Variants in CTIF observed in about 807,000 individuals in gnomAD.
CTIF encodes the protein cap binding complex dependent translation initiation factor, also known as CBP80/20-dependent translation initiation factor.
CTIF carries 21 observed loss-of-function variants against 66.0 expected under a neutral mutation model. The ratio of observed to expected loss-of-function variants is 0.32; its 90% confidence interval spans 0.23 to 0.46. The LOEUF (loss-of-function observed/expected upper bound fraction) is 0.46, where lower values mean the gene tolerates loss of function less well. Among genes scored for constraint, CTIF ranks in the 20% least tolerant of loss-of-function variants. The probability of loss-of-function intolerance (pLI) is 1.00; values close to 1 mark genes in which losing one functional copy is unlikely to be tolerated. For missense variants in CTIF, 739 were observed against 812.7 expected (o/e 0.91, Z 1.10); for synonymous variants, 345 against 326.4 (o/e 1.06, Z -0.62).
chr18:48,730,186 C>A (rs979698206), intron 7 of CTIF, among the ~76,000 whole-genome samples: 1 of 151,776 alleles, frequency 6.6e-6, no homozygotes, highest in African/African-American at 2.4e-5. Flanking sequence ...GTGTGAGGGG[C>A]CCCCGAGGTG....
chr18:48,653,333 TAACA>T (rs1278383755), intron 3 of CTIF, among the ~76,000 whole-genome samples: 8 of 151,398 alleles, frequency 5.3e-5, no homozygotes, highest in Admixed American at 1.3e-4. Context: ...TATACACCAA[TAACA>T]AACAGAGAGC....
chr18:48,747,291 C>T (rs1023121002), intron 7 of CTIF, among the ~76,000 whole-genome samples: 2 of 152,222 alleles, frequency 1.3e-5, no homozygotes, highest in African/African-American at 4.8e-5. Flanking sequence ...CCAACTGGTG[C>T]TGAGCCTCCA....
At chr18:48,746,762 A>T (rs1446252272) in intron 7 of CTIF, among the ~76,000 whole-genome samples, 1 of 151,940 alleles carries the variant, frequency 6.6e-6, no homozygotes, top group Non-Finnish European at 1.5e-5. Context: ...CCCAGGAGGG[A>T]GCTGAGTTCC....
At position 48,862,643 on chromosome 18, in the gene CTIF, C is replaced by T. The variant is rs1006677153; in HGVS notation, c.*3084C>T. On this transcript the variant is annotated 3_prime_UTR_variant, in exon 12 of 12. Transcript: ENST00000256413. ...ATGTAAATGTAAATGTTGGCCGAGT[C>T]GGTATTTATTCTGATTGATTTTTAT... is the stretch of plus-strand genomic sequence containing the variant. 4.6e-5 allele frequency: 7 copies of T among 150,864 alleles called. No homozygotes were observed. The highest frequency in any genetic ancestry group is 1.9e-4 in the East Asian group (1 of 5,190). 9.3% of individuals were successfully genotyped at this position (150,864 alleles called of 1,614,324 possible).
At chr18:48,821,144 C>G (rs1341156244) in intron 10 of CTIF, among the ~76,000 whole-genome samples, 2 of 152,214 alleles carry the variant, frequency 1.3e-5, no homozygotes, top group African/African-American at 2.4e-5. Flanking sequence ...TTTGAAGTCA[C>G]CTTTTCTGTG....
intron 6 of CTIF, among the ~76,000 whole-genome samples, chr18:48,697,521 G>A (rs7226779): frequency 0.093 from 14,150 of 152,194 alleles, 1,844 homozygotes; most frequent in African/African-American, 0.29. Flanking sequence ...GACAAAGCCT[G>A]GAAGGAGGAG....
At chr18:48,734,644 C>T (rs201964326) in intron 7 of CTIF, among the ~76,000 whole-genome samples, 1 of 152,226 alleles carries the variant, frequency 6.6e-6, no homozygotes, top group East Asian at 1.9e-4. Flanking sequence ...ATCACGGCAA[C>T]ATTCTGGGAG....
intron 3 of CTIF, among the ~76,000 whole-genome samples, chr18:48,661,143 C>T (rs2091337536): frequency 6.6e-6 from 1 of 152,196 alleles, no homozygotes; most frequent in African/African-American, 2.4e-5. Context: ...AGAGGCAGTC[C>T]AGTGGAAAAG....
intron 9 of CTIF, among the ~76,000 whole-genome samples, chr18:48,812,687 G>A (rs999274490): frequency 1.3e-5 from 2 of 151,034 alleles, no homozygotes; most frequent in Non-Finnish European, 2.9e-5. Flanking sequence ...CTAAGAGGTC[G>A]AGGCTGCAGT....
At chr18:48,836,139 C>T (rs1201345795) in intron 10 of CTIF, among the ~76,000 whole-genome samples, 2 of 152,246 alleles carry the variant, frequency 1.3e-5, no homozygotes, top group East Asian at 3.9e-4. Context: ...CTCCCTCCTC[C>T]CCCAGCAGCT....
intron 1 of CTIF, among the ~76,000 whole-genome samples, chr18:48,603,850 T>A (rs2090152311): frequency 3.1e-5 from 2 of 63,566 alleles, no homozygotes; most frequent in Non-Finnish European, 6.0e-5. Flanking sequence ...CTCAGTGAAA[T>A]TTTTTTTTTT....
At chr18:48,562,398 T>G (rs2089183829) in intron 1 of CTIF, among the ~76,000 whole-genome samples, 1 of 152,220 alleles carries the variant, frequency 6.6e-6, no homozygotes, top group Non-Finnish European at 1.5e-5. Flanking sequence ...TTTGCCTTCT[T>G]ATCCACTGGG....
chr18:48,682,569 A>G (rs754566086), intron 6 of CTIF, among the ~76,000 whole-genome samples: 6 of 152,204 alleles, frequency 3.9e-5, no homozygotes, highest in Admixed American at 6.5e-5. Flanking sequence ...ACTTCTGGAT[A>G]GTTCAGGGAG....
At chr18:48,767,741 A>G (rs1909710939) in intron 9 of CTIF, among the ~76,000 whole-genome samples, 1 of 152,212 alleles carries the variant, frequency 6.6e-6, no homozygotes. Flanking sequence ...AGCACCTTCT[A>G]GAAGACAGCC....
At position 48,842,472 on chromosome 18, in the gene CTIF, G is replaced by A. The variant is rs545577947; in HGVS notation, c.1528-15116G>A. Reference sequence around the variant, plus strand: ...GGAATCCTTGAGAGGTCAGCCGAGCGCCCATTCCTGTTAGCGCGGAAGGGA... The same window carrying A: ...GGAATCCTTGAGAGGTCAGCCGAGCACCCATTCCTGTTAGCGCGGAAGGGA... On this transcript the variant is annotated intron_variant, in intron 10 of 11. Coordinates refer to ENST00000256413, the MANE Select transcript of CTIF (RefSeq NM_014772.3). 3.3e-5 allele frequency among the ~76,000 whole-genome samples: 5 copies of A among 152,292 alleles called. No homozygotes were observed. In the South Asian group the frequency reaches 6.2e-4, roughly 19 times the overall value.
At chr18:48,812,774 AAAAAG>A (rs1292119819) in intron 9 of CTIF, among the ~76,000 whole-genome samples, 2 of 151,992 alleles carry the variant, frequency 1.3e-5, no homozygotes, top group South Asian at 2.1e-4. Context: ...AAAAAAATGA[AAAAAG>A]AAAAGAAAAT....
chr18:48,621,506 T>G, intron 2 of CTIF: 1 of 353,126 alleles, frequency 2.8e-6, no homozygotes, highest in Admixed American at 3.9e-5. Context: ...TGGCCCCACA[T>G]GAGGAAGAAA....
At chr18:48,679,144 A>G (rs1456344908) in intron 6 of CTIF, among the ~76,000 whole-genome samples, 1 of 152,248 alleles carries the variant, frequency 6.6e-6, no homozygotes, top group Non-Finnish European at 1.5e-5. Flanking sequence ...GAAATCCTAA[A>G]GCTCACTCAC....
chr18:48,714,192 A>C (rs1439454247), intron 7 of CTIF, among the ~76,000 whole-genome samples: 3 of 152,202 alleles, frequency 2.0e-5, no homozygotes, highest in Non-Finnish European at 4.4e-5. Context: ...TAAGTGTCAA[A>C]CCTGCATATT....
Sources: allele counts gnomAD v4.1 joint callset (sites outside exome capture counted in the v4.1 genomes callset), GRCh38; gene constraint gnomAD v4.1.1; transcripts MANE v1.5; gene names NCBI Gene and HGNC (gene_info 2026-07-23, HGNC 2026-07-21).